Variants in PCBP3 observed in about 807,000 individuals in gnomAD.
The protein encoded by PCBP3 is poly(rC) binding protein 3.
Under a neutral mutation model 52.7 loss-of-function variants are expected in PCBP3, and 25 were observed. The observed-to-expected ratio is 0.47, with a 90% CI of 0.35 to 0.66. PCBP3 has a LOEUF of 0.66. Ranked by LOEUF, PCBP3 falls within the 30% of genes least tolerant of loss-of-function variation. The pLI is 0.01. For synonymous variants in PCBP3, 162 were observed against 183.0 expected, an observed-to-expected ratio of 0.89 and a Z score of 0.93; for missense variants, 391 against 490.3, an observed-to-expected ratio of 0.80 and a Z score of 1.91.
chr21:45,677,065 G>C (rs539851724), intron 2 of PCBP3, among the ~76,000 whole-genome samples: 1 of 152,052 alleles, frequency 6.6e-6, no homozygotes, highest in Non-Finnish European at 1.5e-5. Flanking sequence ...GCCTGGCCAC[G>C]TCTCCCACTT....
At chr21:45,867,511 C>T (rs983491626) in intron 5 of PCBP3, among the ~76,000 whole-genome samples, 12 of 152,346 alleles carry the variant, frequency 7.9e-5, no homozygotes, top group African/African-American at 2.9e-4. Context: ...GGGTGCGGGC[C>T]GTGAAGGTTA....
chr21:45,863,230 G>A (rs145177429), intron 5 of PCBP3, among the ~76,000 whole-genome samples: 2,833 of 152,342 alleles, frequency 0.019, 91 homozygotes, highest in African/African-American at 0.065. Context: ...CAGTCCATGA[G>A]GACCTGCAAG....
In PCBP3 at chr21:45,930,804, ACTC is replaced by A. The variant is rs1569507798; in HGVS notation, c.820_822del (p.Ser274del). On this transcript the variant is annotated inframe_deletion, in exon 15 of 18. Transcript: ENST00000681687. Reference sequence around the variant, plus strand: ...TCTCCAGGAGAAAAGCTGCCTTTACACTCCTCCGAAGAAGCTCAAAATCTGATG... The same window carrying A: ...TCTCCAGGAGAAAAGCTGCCTTTACACTCCGAAGAAGCTCAAAATCTGATG... 2.7e-6 allele frequency: 4 copies of A among 1,478,058 alleles called. No individual in the cohort carries two copies. Among genetic ancestry groups the A allele is most frequent in the African/African-American group, 1.4e-5 (1 of 72,408 alleles). 91.6% of individuals were successfully genotyped at this position (1,478,058 alleles called of 1,614,324 possible). A position where few individuals can be genotyped will look rare whatever the true frequency, so the allele number is the denominator to read the frequency against.
chr21:45,758,766 C>G (rs927116848), intron 4 of PCBP3, among the ~76,000 whole-genome samples: 26 of 151,818 alleles, frequency 1.7e-4, no homozygotes, highest in African/African-American at 6.3e-4. Context: ...ACTGGGATCC[C>G]CAGTGGGATG....
chr21:45,874,023 C>T (rs897035382), intron 5 of PCBP3, among the ~76,000 whole-genome samples: 1 of 152,014 alleles, frequency 6.6e-6, no homozygotes, highest in Non-Finnish European at 1.5e-5. Context: ...GTGCTGGGAT[C>T]ACAGGCGTGA....
At chr21:45,845,049 A>G (rs1264607783) in intron 4 of PCBP3, among the ~76,000 whole-genome samples, 1 of 152,158 alleles carries the variant, frequency 6.6e-6, no homozygotes, top group East Asian at 1.9e-4. Flanking sequence ...CAGCTTGAAT[A>G]TCTTCTAAAC....
intron 4 of PCBP3, among the ~76,000 whole-genome samples, chr21:45,801,478 A>G (rs1029123108): frequency 2.6e-5 from 4 of 152,230 alleles, no homozygotes; most frequent in African/African-American, 9.6e-5. Context: ...CTCAGGTTCC[A>G]TGGCCTTGGT....
chr21:45,815,926 GT>G (rs2092926400), intron 4 of PCBP3, among the ~76,000 whole-genome samples: 1 of 117,102 alleles, frequency 8.5e-6, no homozygotes, highest in East Asian at 2.9e-4. Context: ...TGATGAGTGA[GT>G]GGTGAGTGAG....
intron 4 of PCBP3, among the ~76,000 whole-genome samples, chr21:45,768,019 C>T (rs934236439): frequency 7.9e-5 from 12 of 152,276 alleles, no homozygotes; most frequent in African/African-American, 2.7e-4. Context: ...TCACTACCCA[C>T]GTTGGCCACA....
intron 1 of PCBP3, among the ~76,000 whole-genome samples, chr21:45,646,013 A>C (rs1207430404): frequency 6.7e-6 from 1 of 148,576 alleles, no homozygotes; most frequent in South Asian, 2.2e-4. Flanking sequence ...GCAAGGCGTC[A>C]TGGGCCCGCT....
chr21:45,825,356 G>C (rs372558071), intron 4 of PCBP3, among the ~76,000 whole-genome samples: 4 of 152,112 alleles, frequency 2.6e-5, no homozygotes, highest in African/African-American at 9.7e-5. Context: ...CTCCCTGATC[G>C]TCATCTCTTA....
intron 5 of PCBP3, among the ~76,000 whole-genome samples, chr21:45,885,455 C>T (rs1039256230): frequency 6.6e-6 from 1 of 152,118 alleles, no homozygotes; most frequent in African/African-American, 2.4e-5. Flanking sequence ...AAGTTTTAGC[C>T]ATTATTTTTT....
chr21:45,770,361 G>T (rs1413479127), intron 4 of PCBP3, among the ~76,000 whole-genome samples: 1 of 151,866 alleles, frequency 6.6e-6, no homozygotes, highest in East Asian at 1.9e-4. Context: ...TTAATCTCTT[G>T]TTTCATTGAG....
chr21:45,658,281 T>C (rs2080151810), intron 1 of PCBP3, among the ~76,000 whole-genome samples: 1 of 152,140 alleles, frequency 6.6e-6, no homozygotes, highest in Admixed American at 6.6e-5. Flanking sequence ...TTTTATATAT[T>C]GGTGGATTCG....
chr21:45,755,524 T>C (rs929907016), intron 4 of PCBP3, among the ~76,000 whole-genome samples, 72 bp downstream of exon 4: 4 of 152,252 alleles, frequency 2.6e-5, no homozygotes, highest in Non-Finnish European at 5.9e-5. Context: ...CCAGTCAGTG[T>C]ACATTCCCAC....
intron 1 of PCBP3, among the ~76,000 whole-genome samples, chr21:45,661,823 A>G (rs928682793): frequency 5.9e-5 from 9 of 152,142 alleles, no homozygotes; most frequent in African/African-American, 2.2e-4. Flanking sequence ...TGACTTTTTA[A>G]TAATAGCCAT....
At chr21:45,887,679 T>C (rs2095553856) in intron 5 of PCBP3, among the ~76,000 whole-genome samples, 1 of 152,356 alleles carries the variant, frequency 6.6e-6, no homozygotes, top group African/African-American at 2.4e-5. Context: ...ACCTACTTTT[T>C]GAATGTCTGT....
intron 2 of PCBP3, among the ~76,000 whole-genome samples, chr21:45,708,701 T>C (rs926438767): frequency 6.6e-6 from 1 of 152,210 alleles, no homozygotes; most frequent in Non-Finnish European, 1.5e-5. Context: ...CCTTCAAAGA[T>C]TCAGAAATAC....
chr21:45,925,552 A>T (rs2075287900), intron 13 of PCBP3, among the ~76,000 whole-genome samples: 1 of 152,232 alleles, frequency 6.6e-6, no homozygotes, highest in South Asian at 2.1e-4. Context: ...ATAGGCAAGC[A>T]AACAAGCAAA....
Sources: gnomAD v4.1 joint callset for allele counts (sites outside exome capture counted in the v4.1 genomes callset) on GRCh38, gnomAD v4.1.1 for gene constraint, MANE v1.5 for transcripts, NCBI Gene and HGNC (gene_info 2026-07-23, HGNC 2026-07-21) for gene names.